Variants in FAF1 observed in about 807,000 individuals in gnomAD.
FAF1 encodes the protein FAS-associated factor 1.
FAF1 carries 25 observed loss-of-function variants against 92.5 expected under a neutral mutation model. That is an observed-to-expected ratio of 0.27 (90% confidence interval 0.20 to 0.38). FAF1 has a LOEUF of 0.38. Ranked by LOEUF, FAF1 falls within the 10% of genes least tolerant of loss-of-function variation. FAF1 has a pLI of 1.00. For missense variants in FAF1, 636 were observed against 793.3 expected, an observed-to-expected ratio of 0.80 and a Z score of 2.38; for synonymous variants, 234 against 273.2, an observed-to-expected ratio of 0.86 and a Z score of 1.42.
intron 7 of FAF1, among the ~76,000 whole-genome samples, chr1:50,665,267 G>A (rs1428580954): frequency 1.3e-5 from 2 of 152,084 alleles, no homozygotes; most frequent in Admixed American, 1.3e-4. Context: ...AAATACTGTG[G>A]ACCTGAAATG....
At chr1:50,794,263 T>C (rs751183753) in intron 3 of FAF1, among the ~76,000 whole-genome samples, 1 of 152,024 alleles carries the variant, frequency 6.6e-6, no homozygotes, top group East Asian at 1.9e-4. Flanking sequence ...CTAAGTTAAC[T>C]GAGGAAAAAA....
intron 4 of FAF1, among the ~76,000 whole-genome samples, chr1:50,757,950 C>A (rs1250275483): frequency 6.6e-6 from 1 of 152,054 alleles, no homozygotes; most frequent in African/African-American, 2.4e-5. Context: ...TGTAGTCTCA[C>A]TCTGACACCC....
At chr1:50,458,563 C>T (rs754672156) in intron 18 of FAF1, among the ~76,000 whole-genome samples, 5 of 152,270 alleles carry the variant, frequency 3.3e-5, no homozygotes, top group African/African-American at 9.6e-5. Context: ...CTGAATTCTA[C>T]GCAGCTCATC....
At chr1:50,444,808 C>T (rs1322743708) in intron 18 of FAF1, among the ~76,000 whole-genome samples, 1 of 152,096 alleles carries the variant, frequency 6.6e-6, no homozygotes. Flanking sequence ...GGTTATCTTG[C>T]CCAAGGCTGC....
intron 2 of FAF1, among the ~76,000 whole-genome samples, chr1:50,819,634 T>TGACTCACA (rs1553142939): frequency 9.3e-5 from 8 of 86,316 alleles, no homozygotes; most frequent in South Asian, 6.4e-4. Context: ...ACTGACTGAC[T>TGACTCACA]CACTCACACA....
At chr1:50,707,045 T>C (rs1411634102) in intron 6 of FAF1, among the ~76,000 whole-genome samples, 3 of 151,916 alleles carry the variant, frequency 2.0e-5, no homozygotes, top group Admixed American at 6.6e-5. Context: ...CTACTAAAAA[T>C]GCAAAACATT....
At chr1:50,567,350 C>T (rs1650220499) in intron 12 of FAF1, 119 bp from the exon 13 acceptor site, 8 of 631,506 alleles carry the variant, frequency 1.3e-5, no homozygotes, top group Admixed American at 6.5e-5. Flanking sequence ...ATGCTATTCC[C>T]TAAGAGAGTA....
chr1:50,490,384 A>AAAGGAAGGAAGGAAGGAAGG (rs199911582), intron 17 of FAF1, among the ~76,000 whole-genome samples: 7 of 34,832 alleles, frequency 2.0e-4, no homozygotes, highest in Admixed American at 1.1e-3. Flanking sequence ...TCTATCTCAA[A>AAAGGAAGGAAGGAAGGAAGG]AAGGAAGGAA....
rs889353455 is a variant in FAF1 at position 50,713,611 on chromosome 1, A to G, written c.552-7720T>C. 4.0e-5 allele frequency among the ~76,000 whole-genome samples: 6 copies of G among 151,812 alleles called. No individual in the cohort carries two copies. The East Asian group carries it at 9.8e-4, about 25-fold the overall frequency. ...TTTCTTTTCAATTAGAGACAGAAAA[A>G]AAGATATAAGCAAACGTAGAACCTT... On this transcript the variant is annotated intron_variant, in intron 6 of 18. Transcript: ENST00000396153.
intron 6 of FAF1, among the ~76,000 whole-genome samples, chr1:50,717,403 G>C (rs1023031589): frequency 1.2e-4 from 19 of 152,142 alleles, no homozygotes; most frequent in African/African-American, 3.9e-4. Flanking sequence ...ACAATGAGAA[G>C]GTGACAAAGC....
At chr1:50,670,127 G>GAAA (rs1008153553) in intron 7 of FAF1, among the ~76,000 whole-genome samples, 2 of 74,728 alleles carry the variant, frequency 2.7e-5, no homozygotes, top group Non-Finnish European at 5.7e-5. Flanking sequence ...GTCTCAAAAA[G>GAAA]AAAAAAAAAA....
intron 2 of FAF1, among the ~76,000 whole-genome samples, chr1:50,819,466 A>T (rs954697280): frequency 4.2e-5 from 3 of 70,994 alleles, no homozygotes; most frequent in East Asian, 4.7e-4. Flanking sequence ...TTTAAAAATT[A>T]AAAAAAAAAA....
chr1:50,719,217 G>T (rs1658309483), intron 6 of FAF1, among the ~76,000 whole-genome samples: 2 of 152,080 alleles, frequency 1.3e-5, no homozygotes, highest in Admixed American at 1.3e-4. Flanking sequence ...CTGAAACTAG[G>T]TTTTGCTCCT....
intron 3 of FAF1, among the ~76,000 whole-genome samples, chr1:50,794,978 G>C (rs1298969645): frequency 3.3e-5 from 5 of 151,996 alleles, no homozygotes; most frequent in Non-Finnish European, 7.4e-5. Context: ...TAAAGGCTAA[G>C]CAATTTAAAA....
intron 1 of FAF1, among the ~76,000 whole-genome samples, chr1:50,954,075 A>C (rs975286008): frequency 1.3e-5 from 2 of 151,660 alleles, no homozygotes; most frequent in African/African-American, 4.8e-5. Flanking sequence ...CAGCCTCCCG[A>C]GTAGCTGGGA....
At chr1:50,549,158 T>G (rs144061409) in intron 13 of FAF1, among the ~76,000 whole-genome samples, 2 of 152,310 alleles carry the variant, frequency 1.3e-5, no homozygotes, top group East Asian at 3.9e-4. Context: ...GCATAACTTC[T>G]AGAATATGCA....
chr1:50,937,552 G>C (rs900018586), intron 1 of FAF1, among the ~76,000 whole-genome samples: 1 of 152,042 alleles, frequency 6.6e-6, no homozygotes, highest in Non-Finnish European at 1.5e-5. Context: ...GAAAGATACA[G>C]AAGGGATTTC....
At chr1:50,844,927 T>TA (rs1644285679) in intron 2 of FAF1, among the ~76,000 whole-genome samples, 1 of 151,968 alleles carries the variant, frequency 6.6e-6, no homozygotes, top group Non-Finnish European at 1.5e-5. Flanking sequence ...CGATTCCAAA[T>TA]AAAGGTTCAA....
chr1:50,587,771 TACACAG>T (rs2124041914), intron 9 of FAF1, among the ~76,000 whole-genome samples: 2 of 152,308 alleles, frequency 1.3e-5, no homozygotes, highest in African/African-American at 4.8e-5. Flanking sequence ...CCATATATTA[TACACAG>T]AGTGATTAGT....
Sources: gnomAD v4.1 joint callset for allele counts (sites outside exome capture counted in the v4.1 genomes callset) on GRCh38, gnomAD v4.1.1 for gene constraint, MANE v1.5 for transcripts, NCBI Gene and HGNC (gene_info 2026-07-23, HGNC 2026-07-21) for gene names.